The following MTTP variants were observed in gnomAD, a reference collection of about 807,000 sequenced individuals.
The protein encoded by MTTP is microsomal triglyceride transfer protein.
MTTP carries 49 observed loss-of-function variants against 90.6 expected under a neutral mutation model. The ratio of observed to expected loss-of-function variants is 0.54; its 90% CI spans 0.43 to 0.69. MTTP has a LOEUF of 0.69. Ranked by LOEUF, MTTP falls within the 30% of genes least tolerant of loss-of-function variation. The pLI is 0.00. For missense variants in MTTP, 945 were observed against 1,067.5 expected, an observed-to-expected ratio of 0.89 and a Z score of 1.60; for synonymous variants, 347 against 384.2, an observed-to-expected ratio of 0.90 and a Z score of 1.13.
chr4:99,591,235 G>A lies in MTTP; in HGVS notation c.502G>A (p.Val168Ile), dbSNP rs61750974. Residue 168 changes from valine (V) to isoleucine (I), a missense_variant and splice_region_variant, in exon 5 of 18, where the codon GTA becomes ATA. Val to Ile is a conservative substitution (Grantham distance 29). Transcript: ENST00000265517. Reference protein sequence around the residue: ...TQLSSGTTNEVDISGNCKVTY... With the variant: ...TQLSSGTTNEIDISGNCKVTY... ...ATTATGCCCTTGCCTTTCTTTTTAGGTAGATATCTCTGGAAATTGTAAAGT... is the reference window on the plus strand; with the variant it reads ...ATTATGCCCTTGCCTTTCTTTTTAGATAGATATCTCTGGAAATTGTAAAGT... The A allele has an allele frequency of 9.5e-3, 15,219 of 1,597,040 alleles. 110 individuals are homozygous for A. Among genetic ancestry groups the A allele is most frequent in the Middle Eastern group, 0.018 (106 of 6,030 alleles).
rs144206202 is a variant in MTTP, at chr4:99,611,222, T to C, written c.1849T>C (p.Tyr617His). Residue 617 changes from tyrosine to histidine, a missense_variant, in exon 13 of 18, where the codon TAC becomes CAC. By Grantham distance (83) the Tyr-to-His change is moderately conservative (BLOSUM62 2). Coordinates refer to ENST00000265517, the MANE Select transcript of MTTP (RefSeq NM_001386140.1). ...CTCCAGGAGTGGATCTTCTTCTGCC[T>C]ACACTGGCTACATAGAACGTATGTA... ...RFSRSGSSSA[Y>H]TGYIERSPRS... 2 of 1,613,892 alleles carry C rather than the reference T, an allele frequency of 1.2e-6. No individual in the cohort carries two copies. Among genetic ancestry groups the C allele is most frequent in the African/African-American group, 2.7e-5 (2 of 74,934 alleles).
At chr4:99,578,708 C>T (rs1048335837) in intron 1 of MTTP, among the ~76,000 whole-genome samples, 1 of 152,114 alleles carries the variant, frequency 6.6e-6, no homozygotes, top group Non-Finnish European at 1.5e-5. Flanking sequence ...ACAAATGTTT[C>T]GTAGTTATTT....
At chr4:99,575,549 A>G (rs544415897) in intron 1 of MTTP, among the ~76,000 whole-genome samples, 165 of 152,358 alleles carry the variant, frequency 1.1e-3, no homozygotes, top group African/African-American at 3.8e-3. Context: ...GATTTAAGAA[A>G]TAAGACATTA....
chr4:99,575,080 T>A, intron 1 of MTTP, 110 bp downstream of exon 1: 1 of 1,237,878 alleles, frequency 8.1e-7, no homozygotes, highest in Non-Finnish European at 1.2e-6. Flanking sequence ...AGTTTCTGAC[T>A]AAACTATCTT....
Position 99,608,934 on chromosome 4 carries a change from C to A in MTTP, c.1726C>A (p.Leu576Ile), listed in dbSNP as rs2110230276. The change falls in exon 12 of 18, where the codon CTC (leucine) becomes ATC (isoleucine). Residue 576 changes from leucine to isoleucine, a missense_variant. Leu to Ile is a conservative substitution (Grantham distance 5). Coordinates refer to ENST00000265517, the MANE Select transcript of MTTP (RefSeq NM_001386140.1). ...ELPQEMNKYM[L>I]AIVQDILRFE... Reference sequence around the variant, plus strand: ...TCCCCAAGAAATGAATAAATACATGCTCGCCATTGTTCAAGACATCCTACG... The same window carrying A: ...TCCCCAAGAAATGAATAAATACATGATCGCCATTGTTCAAGACATCCTACG... The A allele has an allele frequency of 1.2e-6, 2 of 1,614,114 alleles. No individual in the cohort carries two copies. Among genetic ancestry groups the A allele is most frequent in the Non-Finnish European group, 1.7e-6 (2 of 1,180,006 alleles).
intron 10 of MTTP, 113 bp downstream of exon 10, chr4:99,601,827 C>A (rs187807123): frequency 1.2e-6 from 1 of 836,006 alleles, no homozygotes; most frequent in South Asian, 1.4e-5. Flanking sequence ...ATTCTACTTA[C>A]CTTATTTGCA....
Position 99,613,092 on chromosome 4 carries a change from C to T in MTTP, c.2169C>T (p.Asp723=). Residue 723 remains aspartate (D), a synonymous_variant, in exon 15 of 18, where the codon GAC becomes GAT. Transcript: ENST00000265517. ...LMSKMLSASG[D]PISVVKGLIL... is the part of the protein sequence containing the mutation. The stretch of plus-strand genomic sequence containing the variant: ...CCAAAATGCTGTCAGCATCTGGCGA[C>T]CCTATCAGTGTGGTGAAAGGACTTA... 1 of 1,613,994 alleles carries T rather than the reference C, an allele frequency of 6.2e-7. No individual in the cohort carries two copies. The highest frequency in any genetic ancestry group is 1.1e-5 in the South Asian group (1 of 91,076).
chr4:99,622,659 G>C lies in MTTP; in HGVS notation c.2514-18G>C. 6.2e-7 allele frequency: 1 copy of C among 1,613,200 alleles called. No homozygotes were observed. The highest frequency in any genetic ancestry group is 1.1e-5 in the South Asian group (1 of 91,010). On this transcript the variant is annotated intron_variant, in intron 17 of 17. Transcript: ENST00000265517. ...TAACTGTGTGTGTAATTCTGTTATT[G>C]TTGCTGTTGTTGTACAGGCAATTTG...
intron 3 of MTTP, among the ~76,000 whole-genome samples, chr4:99,585,437 T>C (rs538180121): frequency 4.6e-5 from 7 of 152,284 alleles, no homozygotes; most frequent in Admixed American, 2.6e-4. Flanking sequence ...GGAAAGTATT[T>C]GGAGAAATGC....
At chr4:99,582,508 A>T (rs1206465131) in intron 2 of MTTP, among the ~76,000 whole-genome samples, 1 of 152,186 alleles carries the variant, frequency 6.6e-6, no homozygotes, top group Non-Finnish European at 1.5e-5. Flanking sequence ...ATTACTGAAG[A>T]GAGAGTAAAC....
At chr4:99,596,353 C>T (rs1014024038) in intron 7 of MTTP, among the ~76,000 whole-genome samples, 3 of 152,076 alleles carry the variant, frequency 2.0e-5, no homozygotes, top group South Asian at 2.1e-4. Context: ...GTTTCAAAGC[C>T]GAGAGATGCT....
Position 99,608,940 on chromosome 4 carries a change from A to G in MTTP, c.1732A>G (p.Ile578Val). ...PQEMNKYMLAIVQDILRFEMP... is the reference protein window; with the variant it reads ...PQEMNKYMLAVVQDILRFEMP... The stretch of plus-strand genomic sequence containing the variant: ...AGAAATGAATAAATACATGCTCGCC[A>G]TTGTTCAAGACATCCTACGTTTTGA... The change falls in exon 12 of 18, where the codon ATT becomes GTT. Residue 578 changes from isoleucine (I) to valine (V), a missense_variant. Ile to Val is a conservative substitution (Grantham distance 29). Transcript: ENST00000265517. 6.2e-7 allele frequency: 1 copy of G among 1,614,152 alleles called. No homozygotes were observed. The highest frequency in any genetic ancestry group is 8.5e-7 in the Non-Finnish European group (1 of 1,180,010).
At chr4:99,567,063 T>C (rs557795505) in intron 1 of MTTP, among the ~76,000 whole-genome samples, 2 of 152,294 alleles carry the variant, frequency 1.3e-5, no homozygotes, top group African/African-American at 4.8e-5. Flanking sequence ...CAAGGAAGAA[T>C]CGGCCACTCA....
chr4:99,585,277 G>T (rs928453017), intron 3 of MTTP, among the ~76,000 whole-genome samples: 1 of 151,866 alleles, frequency 6.6e-6, no homozygotes, highest in Non-Finnish European at 1.5e-5. Flanking sequence ...TGAGCAGTAA[G>T]GGCTGCCTTA....
chr4:99,565,362 T>A (rs1028077804), intron 1 of MTTP, among the ~76,000 whole-genome samples: 1 of 152,096 alleles, frequency 6.6e-6, no homozygotes, highest in Admixed American at 6.5e-5. Context: ...ACATAGACAT[T>A]TAACTTTGTA....
upstream of MTTP, among the ~76,000 whole-genome samples, chr4:99,573,564 A>G (rs141257244): frequency 7.7e-3 from 1,177 of 152,260 alleles, 13 homozygotes; most frequent in Non-Finnish European, 0.01. Context: ...AGAAGAACAA[A>G]CAATTTTCAT....
chr4:99,587,152 A>T (rs114940025), intron 3 of MTTP, among the ~76,000 whole-genome samples: 1,757 of 152,260 alleles, frequency 0.012, 24 homozygotes, highest in Non-Finnish European at 0.014. Context: ...CTGATTTCAG[A>T]TTATTATTTT....
At chr4:99,579,761 G>C in intron 1 of MTTP, among the ~76,000 whole-genome samples, 1 of 152,042 alleles carries the variant, frequency 6.6e-6, no homozygotes, top group South Asian at 2.1e-4. Flanking sequence ...CTGCTGGTTG[G>C]GTGCGGTGGC....
At chr4:99,566,065 G>A (rs1027432394) in intron 1 of MTTP, among the ~76,000 whole-genome samples, 2 of 152,014 alleles carry the variant, frequency 1.3e-5, no homozygotes, top group Non-Finnish European at 2.9e-5. Flanking sequence ...CTAGGCGGGC[G>A]GATCACGAGG....
Sources: allele counts gnomAD v4.1 joint callset (sites outside exome capture counted in the v4.1 genomes callset), GRCh38; gene constraint gnomAD v4.1.1; transcripts MANE v1.5; gene names NCBI Gene and HGNC (gene_info 2026-07-23, HGNC 2026-07-21).